ABCA13: variants seen among roughly 807,000 people sequenced by gnomAD.
The protein encoded by ABCA13 is ATP-binding cassette sub-family A member 13.
ABCA13 carries 476 observed loss-of-function variants against 478.7 expected under a neutral mutation model. That is an observed-to-expected ratio of 0.99 (90% CI 0.92 to 1.07). ABCA13 has a LOEUF of 1.07. Among genes scored for constraint, ABCA13 ranks in the 50% least tolerant of loss-of-function variants. The probability of loss-of-function intolerance (pLI) is 0.00; values close to 1 mark genes in which losing one functional copy is unlikely to be tolerated. For missense variants in ABCA13, 6,060 were observed against 5,910.6 expected, an observed-to-expected ratio of 1.03 and a Z score of -0.83; for synonymous variants, 2,252 against 2,158.9, an observed-to-expected ratio of 1.04 and a Z score of -1.20.
intron 3 of ABCA13, among the ~76,000 whole-genome samples, chr7:48,213,343 G>A (rs1016712398): frequency 2.6e-5 from 4 of 152,126 alleles, no homozygotes; most frequent in African/African-American, 9.7e-5. Context: ...GTTTTCCATT[G>A]CATATAAAAG....
intron 42 of ABCA13, among the ~76,000 whole-genome samples, chr7:48,433,374 A>G (rs1467766062): frequency 6.6e-6 from 1 of 150,966 alleles, no homozygotes; most frequent in Non-Finnish European, 1.5e-5. Context: ...TTTTTCATCT[A>G]GGACGTTTTT....
rs769568818 is a variant in ABCA13, at chr7:48,455,217, T to G, written c.12746T>G (p.Leu4249Arg). ...LAMGLFMVRP[L>R]ATEYPPLRLT... is the part of the protein sequence containing the mutation. ...ATGGGCTTGTTCATGGTGAGACCCC[T>G]GGCCACCGAGTACCCTCCCCTCAGA... Residue 4249 changes from leucine to arginine, a missense_variant, in exon 43 of 62, where the codon CTG becomes CGG. Physicochemically the swap from Leu to Arg is moderately radical, Grantham distance 102 (BLOSUM62 -2). This residue lies in a region of ABCA13 where 1,627 missense variants were observed against 1,571.0 expected (regional missense o/e 1.04). Transcript: ENST00000435803. The G allele has an allele frequency of 4.4e-6, 7 of 1,600,514 alleles. No homozygotes were observed. Among genetic ancestry groups the G allele is most frequent in the Non-Finnish European group, 6.0e-6 (7 of 1,173,982 alleles).
At chr7:48,368,730 C>A (rs187641078) in intron 32 of ABCA13, among the ~76,000 whole-genome samples, 2,264 of 139,654 alleles carry the variant, frequency 0.016, 67 homozygotes, top group African/African-American at 0.057. Flanking sequence ...TACACACACA[C>A]ATTTATATAT....
At position 48,412,603 on chromosome 7, in the gene ABCA13, G is replaced by A. The variant is rs7789493; in HGVS notation, c.12459+20G>A. The A allele has an allele frequency of 0.2, 319,884 of 1,572,252 alleles. 34,997 individuals are homozygous for A. The highest frequency in any genetic ancestry group is 0.25 in the East Asian group (10,963 of 44,142). The stretch of plus-strand genomic sequence containing the variant: ...GAAGAGGTACTGAGAAAACTGAAGC[G>A]TGCTTTAATTATTTATGCCTTTTTG... On this transcript the variant is annotated intron_variant, in intron 41 of 61. Coordinates refer to ENST00000435803, the MANE Select transcript of ABCA13 (RefSeq NM_152701.5).
At chr7:48,388,022 T>G in intron 36 of ABCA13, 63 bp downstream of exon 36, 1 of 1,550,598 alleles carries the variant, frequency 6.4e-7, no homozygotes, top group Non-Finnish European at 8.7e-7. Flanking sequence ...TGATTTTTTT[T>G]TGTTTGTTTT....
chr7:48,364,011 C>G (rs11973519), intron 31 of ABCA13, among the ~76,000 whole-genome samples: 36,963 of 151,898 alleles, frequency 0.24, 5,056 homozygotes, highest in African/African-American at 0.37. Context: ...TATTTCTTGC[C>G]CAAATGTTGT....
chr7:48,361,052 T>C (rs1324010392), intron 31 of ABCA13, among the ~76,000 whole-genome samples: 2 of 150,646 alleles, frequency 1.3e-5, no homozygotes, highest in African/African-American at 4.9e-5. Context: ...GCCCAGATCA[T>C]GCCACTGTAC....
chr7:48,643,492 A>G (rs1281173471), intron 60 of ABCA13, 99 bp downstream of exon 60: 8 of 1,037,304 alleles, frequency 7.7e-6, no homozygotes, highest in Admixed American at 4.1e-5. Flanking sequence ...GTTATAAGAT[A>G]CTACTTGTTA....
At chr7:48,641,381 A>G (rs1795091304) in intron 59 of ABCA13, among the ~76,000 whole-genome samples, 1 of 152,218 alleles carries the variant, frequency 6.6e-6, no homozygotes, top group African/African-American at 2.4e-5. Flanking sequence ...TGTTCTGGTC[A>G]TATTCTGAAT....
chr7:48,530,768 T>TA (rs1833174563), intron 55 of ABCA13, among the ~76,000 whole-genome samples: 1 of 152,212 alleles, frequency 6.6e-6, no homozygotes, highest in Non-Finnish European at 1.5e-5. Context: ...ATATGCTTGT[T>TA]AGTCATTTGT....
Position 48,389,186 on chromosome 7 carries a change from C to T in ABCA13, c.11620C>T (p.Leu3874=). The change falls in exon 37 of 62, where the codon CTG becomes TTG. Residue 3874 remains leucine, a synonymous_variant. Coordinates refer to ENST00000435803, the MANE Select transcript of ABCA13 (RefSeq NM_152701.5). The part of the protein sequence containing the change: ...TFYRDQITAL[L]GTNGAGKTTI... ...CTACAGAGACCAAATCACCGCCCTG[C>T]TGGGGACAAACGGTGCCGGGAAAAC... is the stretch of plus-strand genomic sequence containing the variant. 1 of 1,613,886 alleles carries T rather than the reference C, an allele frequency of 6.2e-7. No individual in the cohort carries two copies. The highest frequency in any genetic ancestry group is 8.5e-7 in the Non-Finnish European group (1 of 1,179,802).
chr7:48,364,643 G>T (rs963186491), intron 31 of ABCA13, among the ~76,000 whole-genome samples: 6 of 151,840 alleles, frequency 4.0e-5, no homozygotes, highest in Non-Finnish European at 7.4e-5. Context: ...TAGCTCCCAC[G>T]TATGAGTTAG....
intron 42 of ABCA13, 70 bp downstream of exon 42, chr7:48,427,941 G>C (rs1013242704): frequency 3.7e-6 from 4 of 1,076,382 alleles, no homozygotes; most frequent in Non-Finnish European, 4.0e-6. Context: ...AACATCCCTT[G>C]TTTTAAAAGT....
Position 48,249,210 on chromosome 7 carries a change from A to G in ABCA13, c.1866-2A>G. 6.2e-7 allele frequency: 1 copy of G among 1,600,780 alleles called. No homozygotes were observed. Among genetic ancestry groups the G allele is most frequent in the Non-Finnish European group, 8.5e-7 (1 of 1,172,792 alleles). ...TTTTCTCTGGATTCTTTTTGATTGC[A>G]GGATATTTCATACACTTGAAAAAAC... On this transcript the variant is annotated splice_acceptor_variant, in intron 14 of 61. Coordinates refer to ENST00000435803, the MANE Select transcript of ABCA13 (RefSeq NM_152701.5). LOFTEE classifies it high-confidence loss of function.
At chr7:48,615,217 G>A in intron 58 of ABCA13, 68 bp from the exon 59 acceptor site, 1 of 1,085,626 alleles carries the variant, frequency 9.2e-7, no homozygotes, top group African/African-American at 1.6e-5. Context: ...TTTTTGTTTT[G>A]AAAAGTTTGA....
At chr7:48,425,653 C>A (rs1821294921) in intron 41 of ABCA13, among the ~76,000 whole-genome samples, 1 of 152,184 alleles carries the variant, frequency 6.6e-6, no homozygotes, top group Non-Finnish European at 1.5e-5. Context: ...ACATTGCCAG[C>A]ATGCTACATG....
intron 34 of ABCA13, among the ~76,000 whole-genome samples, chr7:48,375,164 G>A (rs1563147075): frequency 6.6e-6 from 1 of 152,108 alleles, no homozygotes; most frequent in African/African-American, 2.4e-5. Context: ...AGGAAAAAAT[G>A]CACAATAAAT....
At chr7:48,628,174 A>G (rs1411526432) in intron 59 of ABCA13, among the ~76,000 whole-genome samples, 1 of 152,188 alleles carries the variant, frequency 6.6e-6, no homozygotes, top group Non-Finnish European at 1.5e-5. Context: ...CCCTCTTCAG[A>G]GAGGTCTCCA....
Position 48,274,008 on chromosome 7 carries a change from CTT to C in ABCA13, c.4344_4345del (p.Cys1449PhefsTer19), listed in dbSNP as rs1023661518. 33 of 1,606,900 alleles carry C rather than the reference CTT, an allele frequency of 2.1e-5. No homozygotes were observed. Among genetic ancestry groups the C allele is most frequent in the Non-Finnish European group, 2.5e-5 (29 of 1,175,114 alleles). On this transcript the variant is annotated frameshift_variant, in exon 17 of 62. Transcript: ENST00000435803. LOFTEE classifies it high-confidence loss of function. Reference sequence around the variant, plus strand: ...TTGGGTGTTAAATATAAAAAAACCTCTTTGTTCATCAAATGGCTCACATATAA... The same window carrying C: ...TTGGGTGTTAAATATAAAAAAACCTCTGTTCATCAAATGGCTCACATATAA... Reference protein sequence around the residue: ...VTWVLNIKKPLCSSNGSHINC... With the variant: ...VTWVLNIKKPXCSSNGSHINC...
Sources: allele counts gnomAD v4.1 joint callset (sites outside exome capture counted in the v4.1 genomes callset), GRCh38; gene constraint gnomAD v4.1.1; regional missense constraint gnomAD v4.1.1; transcripts MANE v1.5; gene names NCBI Gene and HGNC (gene_info 2026-07-23, HGNC 2026-07-21).